The following SRBD1 variants were observed in gnomAD, a reference collection of about 807,000 sequenced individuals.
SRBD1 encodes the protein S1 RNA binding domain 1.
Under a neutral mutation model 115.3 loss-of-function variants are expected in SRBD1, and 88 were observed. The observed-to-expected ratio is 0.76, with a 90% CI of 0.64 to 0.91. The LOEUF (loss-of-function observed/expected upper bound fraction) is 0.91. Among genes scored for constraint, SRBD1 ranks in the 40% least tolerant of loss-of-function variants. SRBD1 has a pLI of 0.00. For missense variants in SRBD1, 1,385 were observed against 1,177.4 expected (o/e 1.18, Z -2.58); for synonymous variants, 509 against 407.7 (o/e 1.25, Z -2.99).
At chr2:45,520,528 C>T (rs774289146) in intron 14 of SRBD1, among the ~76,000 whole-genome samples, 1 of 152,196 alleles carries the variant, frequency 6.6e-6, no homozygotes, top group African/African-American at 2.4e-5. Context: ...ATATCCATGG[C>T]CCTAGTGAGA....
intron 14 of SRBD1, among the ~76,000 whole-genome samples, chr2:45,518,732 T>C (rs912157098): frequency 2.0e-5 from 3 of 152,154 alleles, no homozygotes; most frequent in African/African-American, 7.2e-5. Flanking sequence ...TAACAACCTA[T>C]AAATTTTCTA....
intron 16 of SRBD1, among the ~76,000 whole-genome samples, chr2:45,456,703 G>C (rs549715426): frequency 6.6e-6 from 1 of 151,902 alleles, no homozygotes; most frequent in South Asian, 2.1e-4. Context: ...GTCTTCTAAA[G>C]TTGAGGCCAG....
chr2:45,484,469 G>T (rs1387817530), intron 15 of SRBD1, among the ~76,000 whole-genome samples: 2 of 152,156 alleles, frequency 1.3e-5, no homozygotes, highest in African/African-American at 2.4e-5. Flanking sequence ...CTCTATCGTA[G>T]AAACCTTCTG....
At chr2:45,401,726 A>G (rs889933032) in intron 19 of SRBD1, among the ~76,000 whole-genome samples, 1 of 152,226 alleles carries the variant, frequency 6.6e-6, no homozygotes, top group Non-Finnish European at 1.5e-5. Context: ...TGTGTTAGAC[A>G]TATTCAGTAG....
chr2:45,448,183 C>T (rs1469821367), intron 16 of SRBD1: 1 of 152,046 alleles, frequency 6.6e-6, no homozygotes, highest in African/African-American at 2.4e-5. Context: ...ATTTTGAATC[C>T]AGGTAGACTT....
At chr2:45,497,548 G>C (rs1168546949) in intron 14 of SRBD1, among the ~76,000 whole-genome samples, 1 of 152,050 alleles carries the variant, frequency 6.6e-6, no homozygotes, top group African/African-American at 2.4e-5. Context: ...CTTCACTGTG[G>C]CTGAGAATTT....
intron 10 of SRBD1, among the ~76,000 whole-genome samples, chr2:45,554,009 C>T (rs1287987416): frequency 2.6e-5 from 4 of 152,018 alleles, no homozygotes; most frequent in Non-Finnish European, 5.9e-5. Context: ...TTAATAATGG[C>T]CAAAATCTTA....
intron 9 of SRBD1, among the ~76,000 whole-genome samples, chr2:45,565,714 A>G (rs934614253): frequency 6.6e-6 from 1 of 152,230 alleles, no homozygotes; most frequent in Non-Finnish European, 1.5e-5. Flanking sequence ...TTTGCAAATC[A>G]TATGTCACAT....
In SRBD1 at chr2:45,599,780, T is replaced by C. The variant is rs1475409402; in HGVS notation, c.317A>G (p.Asp106Gly). ...TALEDRKNKLDTVQTLKTAKT... is the reference protein window; with the variant it reads ...TALEDRKNKLGTVQTLKTAKT... ...GGCTGTTTTCAGAGTCTGTACAGTA[T>C]CCAATTTATTTTTTCTGTCTTCTAA... Residue 106 changes from aspartate to glycine, a missense_variant, in exon 4 of 21, where the codon GAT becomes GGT. Coordinates refer to ENST00000263736, the MANE Select transcript of SRBD1 (RefSeq NM_018079.5). The C allele has an allele frequency of 2.5e-6, 4 of 1,613,940 alleles. No homozygotes were observed. The highest frequency in any genetic ancestry group is 2.2e-5 in the East Asian group (1 of 44,892).
intron 14 of SRBD1, among the ~76,000 whole-genome samples, chr2:45,500,195 G>GA (rs1372747236): frequency 2.0e-5 from 3 of 149,452 alleles, no homozygotes; most frequent in Non-Finnish European, 3.0e-5. Context: ...GTTTTCTTTG[G>GA]AAAAATCTTT....
chr2:45,465,816 CATTTTCTTG>C (rs1210935230), intron 16 of SRBD1, among the ~76,000 whole-genome samples: 1 of 152,124 alleles, frequency 6.6e-6, no homozygotes, highest in East Asian at 1.9e-4. Flanking sequence ...GACCAGGCTA[CATTTTCTTG>C]ATTTTAAATG....
At chr2:45,465,069 G>C (rs1214974062) in intron 16 of SRBD1, among the ~76,000 whole-genome samples, 1 of 150,550 alleles carries the variant, frequency 6.6e-6, no homozygotes, top group African/African-American at 2.4e-5. Context: ...CCTGGTATGG[G>C]GGATTTTTTC....
rs1666929422 is a variant in SRBD1 at position 45,389,229 on chromosome 2, A to G, written c.*81T>C. 6.8e-7 allele frequency: 1 copy of G among 1,470,428 alleles called. No homozygotes were observed. Among genetic ancestry groups the G allele is most frequent in the East Asian group, 2.3e-5 (1 of 43,614 alleles). The allele number at this position is 1,470,428 out of a possible 1,614,324, so 91.1% of individuals were successfully genotyped here. The stretch of plus-strand genomic sequence containing the variant: ...GTGAATTATTTCTCATCTGCTACCT[A>G]GAGTTTACAAACAACTGACTTATCC... On this transcript the variant is annotated 3_prime_UTR_variant, in exon 21 of 21. Coordinates refer to ENST00000263736, the MANE Select transcript of SRBD1 (RefSeq NM_018079.5).
At chr2:45,558,735 A>G (rs1382744288) in intron 10 of SRBD1, among the ~76,000 whole-genome samples, 1 of 124,992 alleles carries the variant, frequency 8.0e-6, no homozygotes, top group Non-Finnish European at 1.6e-5. Context: ...CTTGTCACCC[A>G]GGCTGGAGTG....
intron 14 of SRBD1, among the ~76,000 whole-genome samples, chr2:45,543,929 G>C (rs1413301788): frequency 6.6e-6 from 1 of 152,076 alleles, no homozygotes; most frequent in Admixed American, 6.5e-5. Context: ...ATAGGAGAAA[G>C]ACTACCATCC....
intron 11 of SRBD1, among the ~76,000 whole-genome samples, chr2:45,552,552 A>G (rs1043654324): frequency 2.0e-5 from 3 of 152,188 alleles, no homozygotes; most frequent in African/African-American, 7.2e-5. Context: ...ACATGAGAAA[A>G]CAATAAAAAG....
intron 14 of SRBD1, among the ~76,000 whole-genome samples, chr2:45,521,898 A>ATTG (rs1489066957): frequency 6.6e-6 from 1 of 151,750 alleles, no homozygotes; most frequent in African/African-American, 2.4e-5. Flanking sequence ...AGCCTGGGAG[A>ATTG]TTGAGGCTGT....
At chr2:45,496,186 T>C (rs1194667698) in intron 14 of SRBD1, among the ~76,000 whole-genome samples, 5 of 152,348 alleles carry the variant, frequency 3.3e-5, no homozygotes, top group East Asian at 3.9e-4. Flanking sequence ...TGTTTTGTTT[T>C]TATTTTTAGC....
chr2:45,438,506 G>A (rs1307502716), intron 16 of SRBD1, among the ~76,000 whole-genome samples: 2 of 152,182 alleles, frequency 1.3e-5, no homozygotes, highest in Non-Finnish European at 2.9e-5. Flanking sequence ...CCAAATCAAT[G>A]AATAGATGGT....
Sources: gnomAD v4.1 joint callset for allele counts (sites outside exome capture counted in the v4.1 genomes callset) on GRCh38, gnomAD v4.1.1 for gene constraint, MANE v1.5 for transcripts, NCBI Gene and HGNC (gene_info 2026-07-23, HGNC 2026-07-21) for gene names.